Variants in CSMD1 observed in about 807,000 individuals in gnomAD.
The protein encoded by CSMD1 is CUB and sushi domain-containing protein 1.
In CSMD1, 213 loss-of-function variants were observed where a neutral mutation model predicts 417.5. The observed-to-expected ratio is 0.51, with a 90% CI of 0.46 to 0.57. The LOEUF (loss-of-function observed/expected upper bound fraction) is 0.57. Among genes scored for constraint, CSMD1 ranks in the 20% least tolerant of loss-of-function variants. The pLI is 0.00. For missense variants in CSMD1, 6,923 were observed against 4,529.7 expected (o/e 1.53, Z -15.17); for synonymous variants, 2,862 against 1,736.8 (o/e 1.65, Z -16.11).
intron 5 of CSMD1, among the ~76,000 whole-genome samples, chr8:3,967,549 G>A (rs1366147605): frequency 1.3e-5 from 2 of 152,260 alleles, no homozygotes; most frequent in Admixed American, 6.5e-5. Context: ...TGAAGCATGA[G>A]TGAGTTCAGC....
intron 1 of CSMD1, among the ~76,000 whole-genome samples, chr8:4,976,013 G>A (rs540506815): frequency 1.3e-5 from 2 of 152,260 alleles, no homozygotes; most frequent in African/African-American, 4.8e-5. Context: ...TTTCTGGTTT[G>A]GACTGGAGCT....
chr8:4,984,106 A>G (rs1431577274), intron 1 of CSMD1, among the ~76,000 whole-genome samples: 1 of 152,218 alleles, frequency 6.6e-6, no homozygotes, highest in Admixed American at 6.5e-5. Flanking sequence ...AAAACAAGAT[A>G]CATGGCCAGT....
At chr8:3,445,611 C>T (rs1188447226) in intron 12 of CSMD1, among the ~76,000 whole-genome samples, 3 of 151,892 alleles carry the variant, frequency 2.0e-5, no homozygotes, top group African/African-American at 7.3e-5. Context: ...ATAAAGAAGG[C>T]CAGAAGAGAG....
At chr8:3,060,253 C>T (rs938218876) in intron 49 of CSMD1, among the ~76,000 whole-genome samples, 1 of 151,022 alleles carries the variant, frequency 6.6e-6, no homozygotes, top group Non-Finnish European at 1.5e-5. Flanking sequence ...TCAAGCGATT[C>T]TCCTGTCTCA....
intron 62 of CSMD1, among the ~76,000 whole-genome samples, chr8:2,958,149 C>G (rs1351700482): frequency 3.9e-5 from 6 of 152,012 alleles, no homozygotes; most frequent in Admixed American, 3.9e-4. Flanking sequence ...ACATTTGAAA[C>G]AACTGGTATT....
At chr8:4,199,803 T>C (rs1292250139) in intron 3 of CSMD1, among the ~76,000 whole-genome samples, 1 of 152,168 alleles carries the variant, frequency 6.6e-6, no homozygotes, top group Non-Finnish European at 1.5e-5. Flanking sequence ...GAAAATCGGA[T>C]GACTTTTGTA....
chr8:4,001,305 G>T (rs576633036), intron 4 of CSMD1, among the ~76,000 whole-genome samples: 1 of 152,010 alleles, frequency 6.6e-6, no homozygotes, highest in East Asian at 1.9e-4. Flanking sequence ...AACATAACAG[G>T]GACACCAGCC....
At chr8:4,098,899 G>A (rs979002046) in intron 3 of CSMD1, among the ~76,000 whole-genome samples, 6 of 152,212 alleles carry the variant, frequency 3.9e-5, no homozygotes, top group African/African-American at 1.4e-4. Context: ...GACCAACTGT[G>A]GGTTAGAACC....
chr8:4,779,443 A>C (rs148079745), intron 1 of CSMD1, among the ~76,000 whole-genome samples: 1 of 152,270 alleles, frequency 6.6e-6, no homozygotes, highest in Non-Finnish European at 1.5e-5. Context: ...AACTCACCAC[A>C]ATGTATATTT....
At chr8:3,270,981 GGTTA>G (rs1371876285) in intron 26 of CSMD1, among the ~76,000 whole-genome samples, 20 of 151,506 alleles carry the variant, frequency 1.3e-4, no homozygotes, top group African/African-American at 4.6e-4. Flanking sequence ...ACAACGTACA[GGTTA>G]GTTACATATG....
chr8:4,145,897 G>A (rs1002575221), intron 3 of CSMD1, among the ~76,000 whole-genome samples: 7 of 151,004 alleles, frequency 4.6e-5, no homozygotes, highest in South Asian at 2.1e-4. Context: ...CTTGCTCAAT[G>A]CTCATCCCTT....
At chr8:3,238,071 G>A (rs1402855268) in intron 26 of CSMD1, among the ~76,000 whole-genome samples, 6 of 151,876 alleles carry the variant, frequency 4.0e-5, no homozygotes, top group South Asian at 2.1e-4. Context: ...GGGTGCAGAC[G>A]GGCTGAGTCC....
At chr8:4,181,901 C>G (rs1161953681) in intron 3 of CSMD1, among the ~76,000 whole-genome samples, 2 of 152,010 alleles carry the variant, frequency 1.3e-5, no homozygotes. Flanking sequence ...GTGATAACCA[C>G]AAAGGCAGGA....
chr8:4,643,735 G>T (rs754574277), intron 1 of CSMD1, among the ~76,000 whole-genome samples: 19 of 152,258 alleles, frequency 1.2e-4, no homozygotes, highest in Middle Eastern at 6.8e-3. Context: ...ATTAAATTCT[G>T]CATTATCTTC....
At chr8:4,276,236 G>C (rs185977433) in intron 3 of CSMD1, among the ~76,000 whole-genome samples, 62 of 152,116 alleles carry the variant, frequency 4.1e-4, no homozygotes, top group Admixed American at 9.2e-4. Context: ...GCCCATCAAC[G>C]ATAGACTGAA....
chr8:4,787,398 G>C (rs1330189710), intron 1 of CSMD1: 2 of 739,846 alleles, frequency 2.7e-6, no homozygotes, highest in Admixed American at 2.0e-5. Flanking sequence ...AGAAGTCTAC[G>C]AAAAGTCCTC....
In CSMD1 at chr8:4,109,526, G is replaced by A. The variant is rs138534658; in HGVS notation, c.416-77427C>T. Among the ~76,000 whole-genome samples, 9 of 152,198 alleles carry A rather than the reference G, an allele frequency of 5.9e-5. No homozygotes were observed. In the East Asian group the frequency reaches 1.7e-3, roughly 29 times the overall value. On this transcript the variant is annotated intron_variant, in intron 3 of 69. Coordinates refer to ENST00000635120, the MANE Select transcript of CSMD1 (RefSeq NM_033225.6). Reference sequence around the variant, plus strand: ...TGAATAAGTAGACTTATTGTCAGTAGTCACTGAAGTTTTCAGGCAAAATTG... The same window carrying A: ...TGAATAAGTAGACTTATTGTCAGTAATCACTGAAGTTTTCAGGCAAAATTG...
At chr8:3,271,854 T>C (rs1171199150) in intron 26 of CSMD1, among the ~76,000 whole-genome samples, 2 of 152,138 alleles carry the variant, frequency 1.3e-5, no homozygotes, top group African/African-American at 2.4e-5. Context: ...GAGTAGGTTG[T>C]GAAAATTTTC....
At position 3,418,038 on chromosome 8, in the gene CSMD1, T is replaced by C. The variant is rs571739568; in HGVS notation, c.1562-8433A>G. Among the ~76,000 whole-genome samples, 5 of 152,328 alleles carry C rather than the reference T, an allele frequency of 3.3e-5. No homozygotes were observed. The South Asian group carries it at 8.3e-4, about 25-fold the overall frequency. On this transcript the variant is annotated intron_variant, in intron 12 of 69. Coordinates refer to ENST00000635120, the MANE Select transcript of CSMD1 (RefSeq NM_033225.6). The stretch of plus-strand genomic sequence containing the variant: ...CAGTGGCCTGTGCTTGTTAAAATGA[T>C]GTGTGATCGTGCTTAATTATGGTGC...
Sources: gnomAD v4.1 joint callset for allele counts (sites outside exome capture counted in the v4.1 genomes callset) on GRCh38, gnomAD v4.1.1 for gene constraint, MANE v1.5 for transcripts, NCBI Gene and HGNC (gene_info 2026-07-23, HGNC 2026-07-21) for gene names.